TAFA2: variants seen among roughly 807,000 people sequenced by gnomAD.
TAFA2 encodes TAFA chemokine like family member 2.
TAFA2 carries 7 observed loss-of-function variants against 18.8 expected under a neutral mutation model. The ratio of observed to expected loss-of-function variants is 0.37; its 90% CI spans 0.21 to 0.70. TAFA2 has a LOEUF of 0.70. Among genes scored for constraint, TAFA2 ranks in the 30% least tolerant of loss-of-function variants. The probability of loss-of-function intolerance (pLI) is 0.53; values close to 1 mark genes in which losing one functional copy is unlikely to be tolerated. For missense variants in TAFA2, 122 were observed against 158.1 expected (o/e 0.77, Z 1.23); for synonymous variants, 60 against 54.2 (o/e 1.11, Z -0.47).
At chr12:62,191,057 C>A (rs2062619340) in intron 1 of TAFA2, among the ~76,000 whole-genome samples, 1 of 152,202 alleles carries the variant, frequency 6.6e-6, no homozygotes. Context: ...CCTACCCTGA[C>A]CGCCCGCGAG....
chr12:61,869,968 C>G (rs1038263757), intron 1 of TAFA2, among the ~76,000 whole-genome samples: 13 of 152,148 alleles, frequency 8.5e-5, no homozygotes, highest in African/African-American at 2.9e-4. Flanking sequence ...AGCACATGGC[C>G]TCTGCTACAA....
chr12:61,774,334 C>T (rs116242813), intron 2 of TAFA2, among the ~76,000 whole-genome samples: 3,694 of 151,744 alleles, frequency 0.024, 157 homozygotes, highest in African/African-American at 0.084. Flanking sequence ...GGTATCTATC[C>T]AGATGAAAAG....
chr12:62,160,717 C>G (rs1439026331), intron 1 of TAFA2, among the ~76,000 whole-genome samples: 1 of 152,178 alleles, frequency 6.6e-6, no homozygotes, highest in Non-Finnish European at 1.5e-5. Context: ...CTCCCCATGT[C>G]TGCGTGAGTT....
chr12:62,042,455 T>C (rs556753977), intron 1 of TAFA2, among the ~76,000 whole-genome samples: 3 of 147,240 alleles, frequency 2.0e-5, no homozygotes, highest in Non-Finnish European at 4.5e-5. Flanking sequence ...GTGTGTGACA[T>C]GCATAATGCA....
chr12:62,184,662 A>T (rs1424764255), intron 1 of TAFA2, among the ~76,000 whole-genome samples: 1 of 143,014 alleles, frequency 7.0e-6, no homozygotes, highest in Admixed American at 7.0e-5. Context: ...TGCCTGGCTA[A>T]TTTTTTTTTT....
chr12:62,050,280 T>C (rs1385656947), intron 1 of TAFA2, among the ~76,000 whole-genome samples: 1 of 152,006 alleles, frequency 6.6e-6, no homozygotes, highest in African/African-American at 2.4e-5. Flanking sequence ...GGAATTAAAA[T>C]TTTATCACAG....
At chr12:62,122,329 G>A (rs575798835) in intron 1 of TAFA2, among the ~76,000 whole-genome samples, 1 of 152,164 alleles carries the variant, frequency 6.6e-6, no homozygotes, top group Non-Finnish European at 1.5e-5. Context: ...AAGTAGTCTA[G>A]ATGAAACCCA....
chr12:62,081,029 C>A (rs116270289), intron 1 of TAFA2, among the ~76,000 whole-genome samples: 3 of 152,004 alleles, frequency 2.0e-5, no homozygotes, highest in East Asian at 1.9e-4. Flanking sequence ...CCTGTCTCTA[C>A]GAAAAGACAC....
At chr12:61,992,753 T>C (rs1880053494) in intron 1 of TAFA2, among the ~76,000 whole-genome samples, 1 of 152,196 alleles carries the variant, frequency 6.6e-6, no homozygotes, top group African/African-American at 2.4e-5. Flanking sequence ...CCTTTTCTTG[T>C]AAAACATCCC....
chr12:61,719,024 C>T (rs370882500), intron 4 of TAFA2, among the ~76,000 whole-genome samples: 1 of 152,082 alleles, frequency 6.6e-6, no homozygotes, highest in Non-Finnish European at 1.5e-5. Context: ...TTAGGGACAA[C>T]CTTTCCTTGA....
intron 1 of TAFA2, among the ~76,000 whole-genome samples, chr12:62,229,032 A>G (rs993299091): frequency 1.3e-5 from 2 of 152,080 alleles, no homozygotes; most frequent in Non-Finnish European, 2.9e-5. Flanking sequence ...GTTGGCATAT[A>G]TAAATTCTAC....
chr12:61,754,860 A>G lies in TAFA2; in HGVS notation c.259+12T>C. The G allele has an allele frequency of 6.2e-7, 1 of 1,611,948 alleles. No homozygotes were observed. Among genetic ancestry groups the G allele is most frequent in the Non-Finnish European group, 8.5e-7 (1 of 1,178,974 alleles). ...GCTGTGCTGTTACAATAAGGAATGG[A>G]AGAAGTCACACCATCCACACATGAT... On this transcript the variant is annotated intron_variant, in intron 3 of 4. Coordinates refer to ENST00000416284, the MANE Select transcript of TAFA2 (RefSeq NM_178539.5).
At chr12:61,887,896 C>T (rs563593816) in intron 1 of TAFA2, among the ~76,000 whole-genome samples, 93 of 152,112 alleles carry the variant, frequency 6.1e-4, no homozygotes, top group East Asian at 1.9e-4. Flanking sequence ...AATAAACATA[C>T]GTGTGCATGT....
At chr12:61,713,303 C>T (rs1250452587) in intron 4 of TAFA2, among the ~76,000 whole-genome samples, 1 of 152,192 alleles carries the variant, frequency 6.6e-6, no homozygotes, top group African/African-American at 2.4e-5. Context: ...CTCTATGTCA[C>T]TTTCCTTTTT....
chr12:61,758,977 G>A (rs1452446998), intron 2 of TAFA2, among the ~76,000 whole-genome samples: 5 of 151,944 alleles, frequency 3.3e-5, no homozygotes, highest in Non-Finnish European at 5.9e-5. Context: ...GGTGGCTAGG[G>A]CTCTGTTCTC....
intron 1 of TAFA2, among the ~76,000 whole-genome samples, chr12:62,143,607 T>C (rs992904046): frequency 5.3e-5 from 8 of 152,116 alleles, no homozygotes; most frequent in Non-Finnish European, 1.2e-4. Context: ...GCTAGACCAA[T>C]ACAGCCCACA....
At chr12:61,944,935 A>C (rs1878202322) in intron 1 of TAFA2, among the ~76,000 whole-genome samples, 1 of 142,244 alleles carries the variant, frequency 7.0e-6, no homozygotes, top group South Asian at 2.4e-4. Context: ...AAAAGAGGGA[A>C]TCCTCCCTAA....
At chr12:62,211,082 GAA>G (rs1565780271) in intron 1 of TAFA2, among the ~76,000 whole-genome samples, 3 of 152,174 alleles carry the variant, frequency 2.0e-5, no homozygotes, top group African/African-American at 7.2e-5. Context: ...ACTAGTGTTA[GAA>G]CACTGTCATC....
chr12:62,094,155 A>G (rs1868842542), intron 1 of TAFA2, among the ~76,000 whole-genome samples: 1 of 152,078 alleles, frequency 6.6e-6, no homozygotes, highest in African/African-American at 2.4e-5. Context: ...ATGCTTCTCA[A>G]CTTCAAAAAT....
Sources: allele counts gnomAD v4.1 joint callset (sites outside exome capture counted in the v4.1 genomes callset), GRCh38; gene constraint gnomAD v4.1.1; transcripts MANE v1.5; gene names NCBI Gene and HGNC (gene_info 2026-07-23, HGNC 2026-07-21).